Variants in PPM1H observed in about 807,000 individuals in gnomAD.
PPM1H encodes the protein protein phosphatase 1H.
Under a neutral mutation model 54.9 loss-of-function variants are expected in PPM1H, and 27 were observed. The ratio of observed to expected loss-of-function variants is 0.49; its 90% CI spans 0.36 to 0.68. The LOEUF (loss-of-function observed/expected upper bound fraction) is 0.68, where lower values mean the gene tolerates loss of function less well. Among genes scored for constraint, PPM1H ranks in the 30% least tolerant of loss-of-function variants. The pLI is 0.00. For synonymous variants in PPM1H, 305 were observed against 270.8 expected, an observed-to-expected ratio of 1.13 and a Z score of -1.24; for missense variants, 596 against 667.8, an observed-to-expected ratio of 0.89 and a Z score of 1.19.
chr12:62,659,096 A>G, intron 9 of PPM1H: 2 of 731,088 alleles, frequency 2.7e-6, no homozygotes, highest in Non-Finnish European at 5.0e-6. Flanking sequence ...CATGCAACAA[A>G]TCTTACTGTG....
intron 3 of PPM1H, among the ~76,000 whole-genome samples, chr12:62,795,023 G>A (rs1290390964): frequency 2.0e-5 from 3 of 152,090 alleles, no homozygotes; most frequent in African/African-American, 7.2e-5. Flanking sequence ...ACAATCAGGG[G>A]GTTGTAGGGG....
chr12:62,841,460 A>G (rs1040839945), intron 1 of PPM1H, among the ~76,000 whole-genome samples: 4 of 152,250 alleles, frequency 2.6e-5, no homozygotes, highest in African/African-American at 7.2e-5. Flanking sequence ...TTTTCATACT[A>G]TAATGGCAGA....
In PPM1H at chr12:62,867,866, T is replaced by G. The variant is rs1869841024; in HGVS notation, c.246-35587A>C. 2.6e-5 allele frequency among the ~76,000 whole-genome samples: 4 copies of G among 152,246 alleles called. No individual in the cohort carries two copies. In the South Asian group the frequency reaches 8.3e-4, roughly 32 times the overall value. On this transcript the variant is annotated intron_variant, in intron 1 of 9. Coordinates refer to ENST00000228705, the MANE Select transcript of PPM1H (RefSeq NM_020700.2). The stretch of plus-strand genomic sequence containing the variant: ...ATGTTCTTTTGGAATTTGCTTATGA[T>G]GCCCAAAAACCAGTGTTAGGAGCAA...
intron 1 of PPM1H, among the ~76,000 whole-genome samples, chr12:62,868,529 T>TC (rs1457019459): frequency 2.6e-5 from 4 of 152,188 alleles, no homozygotes; most frequent in African/African-American, 9.7e-5. Context: ...CTGAACACCA[T>TC]CTTATTGACC....
intron 1 of PPM1H, among the ~76,000 whole-genome samples, chr12:62,870,746 G>A (rs745962496): frequency 6.2e-4 from 94 of 152,124 alleles, no homozygotes; most frequent in Admixed American, 1.6e-3. Flanking sequence ...TAGAACATAC[G>A]GACAAAGGAT....
At chr12:62,803,813 G>C (rs1386726865) in intron 2 of PPM1H, among the ~76,000 whole-genome samples, 1 of 152,100 alleles carries the variant, frequency 6.6e-6, no homozygotes, top group Non-Finnish European at 1.5e-5. Context: ...TGTGATAAGG[G>C]GTTAATTTTC....
chr12:62,861,667 C>T (rs975392956), intron 1 of PPM1H, among the ~76,000 whole-genome samples: 4 of 152,212 alleles, frequency 2.6e-5, no homozygotes, highest in East Asian at 1.9e-4. Context: ...GGTGAGGAAA[C>T]GAACCCTCAC....
At chr12:62,784,118 G>A (rs1323882676) in intron 4 of PPM1H, among the ~76,000 whole-genome samples, 3 of 152,260 alleles carry the variant, frequency 2.0e-5, no homozygotes, top group South Asian at 2.1e-4. Context: ...CTCTGCCGGG[G>A]AAAAATAAAG....
rs78051432 is a variant in PPM1H, at chr12:62,844,503, A to C, written c.246-12224T>G. ...CCCCTCAAGGCTCAAGATAACTTAA[A>C]GTTCCAACAGCTTTAAGTTTGGATT... On this transcript the variant is annotated intron_variant, in intron 1 of 9. Coordinates refer to ENST00000228705, the MANE Select transcript of PPM1H (RefSeq NM_020700.2). The surrounding 1 kb of genome is among the most constrained non-coding windows in gnomAD (Gnocchi z 5.2). Among the ~76,000 whole-genome samples, 1,145 of 152,334 alleles carry C rather than the reference A, an allele frequency of 7.5e-3. 11 individuals are homozygous for C. Among genetic ancestry groups the C allele is most frequent in the African/African-American group, 0.026 (1,091 of 41,570 alleles).
At chr12:62,685,572 C>T (rs1412978851) in intron 8 of PPM1H, among the ~76,000 whole-genome samples, 1 of 152,140 alleles carries the variant, frequency 6.6e-6, no homozygotes, top group African/African-American at 2.4e-5. Flanking sequence ...ACTATACTTA[C>T]CTCACAGTGT....
chr12:62,752,595 C>T (rs1340552240), intron 4 of PPM1H, among the ~76,000 whole-genome samples: 3 of 152,124 alleles, frequency 2.0e-5, no homozygotes, highest in Admixed American at 6.5e-5. Context: ...ATTAGAGTCT[C>T]CTTAACATTT....
At chr12:62,691,507 G>A (rs1186708922) in intron 7 of PPM1H, among the ~76,000 whole-genome samples, 1 of 152,110 alleles carries the variant, frequency 6.6e-6, no homozygotes, top group East Asian at 1.9e-4. Flanking sequence ...ACCTTTTTGA[G>A]GGCAAGGGTC....
chr12:62,838,711 G>A, intron 1 of PPM1H, among the ~76,000 whole-genome samples: 1 of 103,156 alleles, frequency 9.7e-6, no homozygotes, highest in African/African-American at 4.9e-5. Flanking sequence ...CACGAGGTCA[G>A]GAGATCGAGA....
chr12:62,654,364 C>G (rs1015210792), intron 9 of PPM1H, among the ~76,000 whole-genome samples: 2 of 151,980 alleles, frequency 1.3e-5, no homozygotes, highest in Non-Finnish European at 2.9e-5. Context: ...CAGAAACACT[C>G]AACAGATAAG....
At chr12:62,851,450 C>G (rs909482400) in intron 1 of PPM1H, among the ~76,000 whole-genome samples, 1 of 152,222 alleles carries the variant, frequency 6.6e-6, no homozygotes, top group Non-Finnish European at 1.5e-5. Context: ...CGCCTGTAAT[C>G]CCAACACTTT....
At chr12:62,835,192 C>T (rs1868466356) in intron 1 of PPM1H, among the ~76,000 whole-genome samples, 1 of 152,236 alleles carries the variant, frequency 6.6e-6, no homozygotes, top group Non-Finnish European at 1.5e-5. Flanking sequence ...AACAAAGCTA[C>T]TATAATTACA....
chr12:62,752,598 T>C (rs1221024525), intron 4 of PPM1H, among the ~76,000 whole-genome samples: 1 of 152,150 alleles, frequency 6.6e-6, no homozygotes, highest in African/African-American at 2.4e-5. Context: ...AGAGTCTCCT[T>C]AACATTTTTC....
At chr12:62,921,189 A>G (rs996222861) in intron 1 of PPM1H, among the ~76,000 whole-genome samples, 2 of 152,100 alleles carry the variant, frequency 1.3e-5, no homozygotes, top group Admixed American at 1.3e-4. Flanking sequence ...TCGGCCTCCC[A>G]AAGTCCTAGG....
intron 9 of PPM1H, among the ~76,000 whole-genome samples, chr12:62,662,510 C>CT (rs1450468196): frequency 6.6e-6 from 1 of 152,130 alleles, no homozygotes; most frequent in Admixed American, 6.5e-5. Context: ...ACACACACAT[C>CT]TATTAGTGCT....
Sources: gnomAD v4.1 joint callset for allele counts (sites outside exome capture counted in the v4.1 genomes callset) on GRCh38, gnomAD v4.1.1 for gene constraint, Gnocchi (gnomAD v3.1) non-coding constraint, MANE v1.5 for transcripts, NCBI Gene and HGNC (gene_info 2026-07-23, HGNC 2026-07-21) for gene names.